The following DOCK4 variants were observed in gnomAD, a reference collection of about 807,000 sequenced individuals.
DOCK4 encodes dedicator of cytokinesis 4, also known as dedicator of cytokinesis protein 4.
DOCK4 carries 97 observed loss-of-function variants against 268.1 expected under a neutral mutation model. The ratio of observed to expected loss-of-function variants is 0.36; its 90% confidence interval spans 0.31 to 0.43. The LOEUF is 0.43. Ranked by LOEUF, DOCK4 falls within the 20% of genes least tolerant of loss-of-function variation. The pLI is 1.00. For synonymous variants in DOCK4, 954 were observed against 887.2 expected, an observed-to-expected ratio of 1.08 and a Z score of -1.34; for missense variants, 2,145 against 2,455.7, an observed-to-expected ratio of 0.87 and a Z score of 2.67.
chr7:111,880,429 G>C (rs1807283087), intron 16 of DOCK4, among the ~76,000 whole-genome samples: 1 of 152,160 alleles, frequency 6.6e-6, no homozygotes, highest in Non-Finnish European at 1.5e-5. Context: ...ATCAACACCA[G>C]ACTTGTCCTT....
intron 30 of DOCK4, among the ~76,000 whole-genome samples, chr7:111,791,457 G>GA (rs1554594139): frequency 2.1e-5 from 3 of 145,244 alleles, no homozygotes; most frequent in Non-Finnish European, 4.6e-5. Flanking sequence ...TGTTTTTTTT[G>GA]TTTTTTTTTT....
chr7:111,836,825 C>G (rs1422368964), intron 25 of DOCK4, among the ~76,000 whole-genome samples: 1 of 151,518 alleles, frequency 6.6e-6, no homozygotes, highest in African/African-American at 2.4e-5. Context: ...AGAAATTCTC[C>G]AAAATAAAGC....
intron 1 of DOCK4, among the ~76,000 whole-genome samples, chr7:112,161,361 C>T (rs963192049): frequency 6.6e-6 from 1 of 152,162 alleles, no homozygotes; most frequent in Non-Finnish European, 1.5e-5. Context: ...TGGATGCTAA[C>T]AGCATGAAAC....
At chr7:112,157,629 T>C (rs1816742804) in intron 1 of DOCK4, among the ~76,000 whole-genome samples, 2 of 152,136 alleles carry the variant, frequency 1.3e-5, no homozygotes, top group South Asian at 2.1e-4. Context: ...TGAGCCTGAA[T>C]AGAAGTTTAC....
chr7:111,889,323 G>A (rs983671599), intron 16 of DOCK4, among the ~76,000 whole-genome samples: 1 of 152,114 alleles, frequency 6.6e-6, no homozygotes, highest in African/African-American at 2.4e-5. Context: ...GCTTGTCTAA[G>A]ATTTATAGAT....
intron 22 of DOCK4, among the ~76,000 whole-genome samples, chr7:111,864,254 A>C (rs762710329): frequency 4.6e-5 from 7 of 151,912 alleles, no homozygotes; most frequent in Non-Finnish European, 5.9e-5. Flanking sequence ...AAAAAAAAAA[A>C]AAACCCGATC....
chr7:111,873,542 G>A (rs1806600604), intron 17 of DOCK4, among the ~76,000 whole-genome samples: 1 of 152,146 alleles, frequency 6.6e-6, no homozygotes, highest in Non-Finnish European at 1.5e-5. Context: ...CAGGGAAGCA[G>A]GAAATTTACT....
chr7:112,205,633 C>T (rs1587063646), intron 1 of DOCK4, among the ~76,000 whole-genome samples: 1 of 152,170 alleles, frequency 6.6e-6, no homozygotes, highest in African/African-American at 2.4e-5. Context: ...TTTGCGCCTC[C>T]CTACTGTTTT....
Position 111,788,703 on chromosome 7 carries a change from T to C in DOCK4, c.3360A>G (p.Glu1120=), listed in dbSNP as rs1335393919. 3 of 1,594,468 alleles carry C rather than the reference T, an allele frequency of 1.9e-6. No homozygotes were observed. Among genetic ancestry groups the C allele is most frequent in the Non-Finnish European group, 2.6e-6 (3 of 1,169,234 alleles). Residue 1120 remains glutamate (E), a synonymous_variant, in exon 32 of 53, where the codon GAA becomes GAG. Coordinates refer to ENST00000428084, the MANE Select transcript of DOCK4 (RefSeq NM_001363540.2). ...LIDKLDSLMS[E]GKGDETYREL... is the part of the protein sequence containing the mutation. Reference sequence around the variant, plus strand: ...CGCGGTATGTTTCGTCACCTTTGCCTTCTGACATCAGGCTATCCAGTTTGT... The same window carrying C: ...CGCGGTATGTTTCGTCACCTTTGCCCTCTGACATCAGGCTATCCAGTTTGT...
intron 8 of DOCK4, among the ~76,000 whole-genome samples, chr7:111,963,287 C>T (rs993875440): frequency 5.4e-5 from 8 of 147,802 alleles, no homozygotes; most frequent in Admixed American, 5.4e-4. Context: ...GCATTTCCAT[C>T]TGAGGTACCG....
intron 1 of DOCK4, among the ~76,000 whole-genome samples, chr7:112,042,552 A>C (rs1804481233): frequency 6.6e-6 from 1 of 152,220 alleles, no homozygotes; most frequent in African/African-American, 2.4e-5. Context: ...TGACAAAAAA[A>C]CAGAGCAAAT....
At chr7:111,834,536 CAAGAT>C in intron 26 of DOCK4, 47 bp downstream of exon 26, 1 of 1,354,578 alleles carries the variant, frequency 7.4e-7, no homozygotes, top group Non-Finnish European at 1.0e-6. Context: ...TGAATAAAAA[CAAGAT>C]AAACCCAAAA....
intron 1 of DOCK4, among the ~76,000 whole-genome samples, chr7:112,054,687 T>G (rs1015121950): frequency 6.6e-6 from 1 of 150,474 alleles, no homozygotes; most frequent in African/African-American, 2.5e-5. Flanking sequence ...CCAAATCCTT[T>G]TAATTAAGTG....
At position 111,778,325 on chromosome 7, in the gene DOCK4, G is replaced by A. The variant is rs776489804; in HGVS notation, c.3630C>T (p.Arg1210=). The change falls in exon 36 of 53, where the codon CGC becomes CGT. Residue 1210 remains arginine (R), a synonymous_variant. Transcript: ENST00000428084. ...TELNKEEMYI[R]YIHKLYDLHL... is the part of the protein sequence containing the mutation. ...GCAGATCATAGAGTTTGTGAATGTAGCGTATATACATCTCCTCCTTGTTCA... is the reference window on the plus strand; with the variant it reads ...GCAGATCATAGAGTTTGTGAATGTAACGTATATACATCTCCTCCTTGTTCA... 10 of 1,612,982 alleles carry A rather than the reference G, an allele frequency of 6.2e-6. No homozygotes were observed. Among genetic ancestry groups the A allele is most frequent in the Admixed American group, 3.3e-5 (2 of 59,994 alleles).
chr7:111,961,389 C>G (rs1291947237), intron 8 of DOCK4, among the ~76,000 whole-genome samples: 1 of 152,202 alleles, frequency 6.6e-6, no homozygotes, highest in Non-Finnish European at 1.5e-5. Flanking sequence ...GGGTCTCGGA[C>G]AGCTGGCACA....
chr7:112,047,177 T>C (rs965812541), intron 1 of DOCK4, among the ~76,000 whole-genome samples: 6 of 152,076 alleles, frequency 3.9e-5, no homozygotes, highest in African/African-American at 1.4e-4. Flanking sequence ...AAAGTAACCC[T>C]AGACTAAATG....
chr7:111,778,297 G>C lies in DOCK4; in HGVS notation c.3658C>G (p.Leu1220Val). The C allele has an allele frequency of 3.1e-6, 5 of 1,612,378 alleles. No individual in the cohort carries two copies. Among genetic ancestry groups the C allele is most frequent in the Non-Finnish European group, 3.4e-6 (4 of 1,178,670 alleles). The change falls in exon 36 of 53, where the codon CTC (leucine) becomes GTC (valine). Residue 1220 changes from leucine to valine, a missense_variant. Coordinates refer to ENST00000428084, the MANE Select transcript of DOCK4 (RefSeq NM_001363540.2). Reference protein sequence around the residue: ...RYIHKLYDLHLKAQNFTEAAY... With the variant: ...RYIHKLYDLHVKAQNFTEAAY... The stretch of plus-strand genomic sequence containing the variant: ...TTACCTGTAAAGTTCTGTGCTTTGA[G>C]ATGCAGATCATAGAGTTTGTGAATG...
Position 111,728,261 on chromosome 7 carries a change from A to C in DOCK4, c.*13T>G. On this transcript the variant is annotated 3_prime_UTR_variant, in exon 53 of 53. Transcript: ENST00000428084. ...CGGGCAAAGAATGCATCGCAGGTACATAGAAAAGTGACTTATAACTGAGAG... is the reference window on the plus strand; with the variant it reads ...CGGGCAAAGAATGCATCGCAGGTACCTAGAAAAGTGACTTATAACTGAGAG... 1 of 1,474,370 alleles carries C rather than the reference A, an allele frequency of 6.8e-7. No individual in the cohort carries two copies. The highest frequency in any genetic ancestry group is 2.4e-5 in the East Asian group (1 of 42,270). 91.3% of individuals were successfully genotyped at this position (1,474,370 alleles called of 1,614,324 possible).
intron 30 of DOCK4, among the ~76,000 whole-genome samples, chr7:111,792,377 TTTGTTGTTG>T (rs1054723271): frequency 6.6e-6 from 1 of 151,884 alleles, no homozygotes; most frequent in Non-Finnish European, 1.5e-5. Flanking sequence ...TTAGAGGGTT[TTTGTTGTTG>T]TTGTTGTTGT....
Sources: gnomAD v4.1 joint callset for allele counts (sites outside exome capture counted in the v4.1 genomes callset) on GRCh38, gnomAD v4.1.1 for gene constraint, MANE v1.5 for transcripts, NCBI Gene and HGNC (gene_info 2026-07-23, HGNC 2026-07-21) for gene names.